STK10: variants seen among roughly 807,000 people sequenced by gnomAD.
STK10 encodes the protein serine/threonine kinase 10.
In STK10, 78 loss-of-function variants were observed where a neutral mutation model predicts 113.8. That is an observed-to-expected ratio of 0.69 (90% CI 0.57 to 0.83). STK10 has a LOEUF of 0.83. Ranked by LOEUF, STK10 falls within the 40% of genes least tolerant of loss-of-function variation. The pLI, the probability that STK10 is intolerant of heterozygous loss-of-function variation, is 0.00. For synonymous variants in STK10, 465 were observed against 494.7 expected, an observed-to-expected ratio of 0.94 and a Z score of 0.80; for missense variants, 1,109 against 1,280.1, an observed-to-expected ratio of 0.87 and a Z score of 2.04.
intron 4 of STK10, chr5:172,114,474 T>TATATATATATA (rs55784262): frequency 6.6e-4 from 17 of 25,748 alleles, no homozygotes; most frequent in African/African-American, 3.1e-3. Context: ...TATATATATA[T>TATATATATATA]TTTTTTTTTT....
At chr5:172,058,203 C>T (rs908802594) in intron 14 of STK10, among the ~76,000 whole-genome samples, 3 of 152,088 alleles carry the variant, frequency 2.0e-5, no homozygotes, top group East Asian at 1.9e-4. Flanking sequence ...ATTCCTGTTC[C>T]GTGCAAAATG....
At chr5:172,108,609 G>A (rs1234506328) in intron 4 of STK10, among the ~76,000 whole-genome samples, 2 of 117,706 alleles carry the variant, frequency 1.7e-5, no homozygotes, top group Non-Finnish European at 3.4e-5. Context: ...GAGTGAGACT[G>A]TCTCAAAAAA....
rs143465295 is a variant in STK10, at chr5:172,071,080, C to T, written c.1990-6268G>A. The stretch of plus-strand genomic sequence containing the variant: ...AAAACATTAGCCGGGTGTGGTGGCA[C>T]GCACCTGTAATCCCAGCTACTCAGG... On this transcript the variant is annotated intron_variant, in intron 12 of 18. Transcript: ENST00000176763. 7.1e-3 allele frequency among the ~76,000 whole-genome samples: 1,075 copies of T among 151,170 alleles called. 14 individuals are homozygous for T. Among genetic ancestry groups the T allele is most frequent in the African/African-American group, 0.025 (1,027 of 41,168 alleles).
chr5:172,134,314 T>A (rs1769810658), intron 2 of STK10, among the ~76,000 whole-genome samples: 1 of 152,220 alleles, frequency 6.6e-6, no homozygotes. Flanking sequence ...ATCATCCTCA[T>A]CAGCCTTTAC....
Position 172,187,495 on chromosome 5 carries a change from TA to T in STK10, c.156+391del, listed in dbSNP as rs1051262766. On this transcript the variant is annotated intron_variant, in intron 1 of 18. Transcript: ENST00000176763. This position sits in a 1 kb window ranked among gnomAD's most constrained non-coding sequence, Gnocchi z 4.6. Reference sequence around the variant, plus strand: ...TTCCCACAGCATCTGTGGTCTCTCTTAAAAAAAAAAGTGTGCCCGTATCGCC... The same window carrying T: ...TTCCCACAGCATCTGTGGTCTCTCTTAAAAAAAAAGTGTGCCCGTATCGCC... Among the ~76,000 whole-genome samples, 7 of 148,946 alleles carry T rather than the reference TA, an allele frequency of 4.7e-5. No individual in the cohort carries two copies. Among genetic ancestry groups the T allele is most frequent in the South Asian group, 2.1e-4 (1 of 4,678 alleles).
rs759856809 is a variant in STK10, at chr5:172,106,783, T to C, written c.625A>G (p.Met209Val). The change falls in exon 6 of 19, where the codon ATG (methionine) becomes GTG (valine). Residue 209 changes from methionine (M) to valine (V), a missense_variant. Met to Val is a conservative substitution (Grantham distance 21). Coordinates refer to ENST00000176763, the MANE Select transcript of STK10 (RefSeq NM_005990.4). ...TTGTAGTCGTAGGGCGTGTCTTTCA[T>C]GGTCTCACACATGACCACCTCGGGG... The part of the protein sequence containing the change: ...MAPEVVMCET[M>V]KDTPYDYKAD... The C allele has an allele frequency of 5.6e-6, 9 of 1,614,012 alleles. No individual in the cohort carries two copies. Among genetic ancestry groups the C allele is most frequent in the Middle Eastern group, 1.6e-4 (1 of 6,084 alleles).
In STK10 at chr5:172,088,250, G is replaced by A. The variant is rs865860076; in HGVS notation, c.1685+1982C>T. ...TAAAAAAATATGAGTATTAGGCCGG[G>A]CGCGGTGGCTCACATCTGTAATTCC... On this transcript the variant is annotated intron_variant, in intron 10 of 18. Coordinates refer to ENST00000176763, the MANE Select transcript of STK10 (RefSeq NM_005990.4). 1.7e-3 allele frequency among the ~76,000 whole-genome samples: 259 copies of A among 152,232 alleles called. 2 individuals carry two copies. Among genetic ancestry groups the A allele is most frequent in the African/African-American group, 6.0e-3 (249 of 41,542 alleles).
In STK10 at chr5:172,156,635, C is replaced by G. The variant is rs1456326957; in HGVS notation, c.310G>C (p.Gly104Arg). The change falls in exon 2 of 19, where the codon GGG becomes CGG. Residue 104 changes from glycine (G) to arginine (R), a missense_variant. By Grantham distance (125) the Gly-to-Arg change is moderately radical. Transcript: ENST00000176763. The part of the protein sequence containing the change: ...VKLLGAYYHD[G>R]KLWIMIEFCP... ...GGCGGCAGCCTTACCCACAGCTTCC[C>G]GTCGTGATAGTAGGCTCCCAGGAGC... is the stretch of plus-strand genomic sequence containing the variant. 3 of 1,613,196 alleles carry G rather than the reference C, an allele frequency of 1.9e-6. No homozygotes were observed. Among genetic ancestry groups the G allele is most frequent in the Non-Finnish European group, 2.5e-6 (3 of 1,179,568 alleles).
At chr5:172,058,675 A>G (rs958122294) in intron 14 of STK10, among the ~76,000 whole-genome samples, 1 of 152,098 alleles carries the variant, frequency 6.6e-6, no homozygotes, top group African/African-American at 2.4e-5. Flanking sequence ...AGATCGCTTG[A>G]GCCTAGAAAC....
chr5:172,098,700 T>G (rs1455530903), intron 7 of STK10, among the ~76,000 whole-genome samples: 1 of 152,048 alleles, frequency 6.6e-6, no homozygotes, highest in Non-Finnish European at 1.5e-5. Context: ...CAGTTAAGAG[T>G]GCTGGCTGTA....
At chr5:172,102,024 A>C (rs1028117799) in intron 7 of STK10, among the ~76,000 whole-genome samples, 1 of 152,104 alleles carries the variant, frequency 6.6e-6, no homozygotes, top group Non-Finnish European at 1.5e-5. Context: ...GGTTTTCCCT[A>C]GAGTGAAACG....
At chr5:172,167,546 A>G (rs115507404) in intron 1 of STK10, among the ~76,000 whole-genome samples, 1,785 of 152,292 alleles carry the variant, frequency 0.012, 49 homozygotes, top group African/African-American at 0.041. Flanking sequence ...GCAGACTGGG[A>G]CTGGTGCAAA....
chr5:172,136,060 G>GAAAAAGAA (rs541129263), intron 2 of STK10, among the ~76,000 whole-genome samples: 1 of 146,732 alleles, frequency 6.8e-6, no homozygotes, highest in Non-Finnish European at 1.5e-5. Context: ...ACAAAAGAAA[G>GAAAAAGAA]AAAAAGAAAA....
At chr5:172,126,456 C>T (rs1355709822) in intron 3 of STK10, among the ~76,000 whole-genome samples, 3 of 152,120 alleles carry the variant, frequency 2.0e-5, no homozygotes, top group South Asian at 4.2e-4. Context: ...CCCAGCTACT[C>T]GGGAGGCTGG....
chr5:172,151,345 T>C (rs1468043166), intron 2 of STK10, among the ~76,000 whole-genome samples: 5 of 151,896 alleles, frequency 3.3e-5, no homozygotes, highest in Middle Eastern at 3.4e-3. Context: ...TTTTTCTTTT[T>C]CTTTTTTTTT....
At position 172,052,993 on chromosome 5, in the gene STK10, G is replaced by A. The variant is rs1477328942; in HGVS notation, c.2702C>T (p.Ala901Val). ...LVEHETQKLKALDESHNQNLK... is the reference protein window; with the variant it reads ...LVEHETQKLKVLDESHNQNLK... ...GTTCTGGTTATGGCTCTCATCCAGG[G>A]CCTTCAGTTTCTGGGTTTCGTGCTC... is the stretch of plus-strand genomic sequence containing the variant. The change falls in exon 18 of 19, where the codon GCC (alanine) becomes GTC (valine). Residue 901 changes from alanine (A) to valine (V), a missense_variant. By Grantham distance (64) the Ala-to-Val change is moderately conservative. Around this residue, in one of 5 missense-constraint regions of STK10, gnomAD observed 885 missense variants for 991.1 expected, o/e 0.89. Coordinates refer to ENST00000176763, the MANE Select transcript of STK10 (RefSeq NM_005990.4). 6.2e-7 allele frequency: 1 copy of A among 1,614,070 alleles called. No individual in the cohort carries two copies. The highest frequency in any genetic ancestry group is 8.5e-7 in the Non-Finnish European group (1 of 1,180,050).
At chr5:172,059,837 C>G (rs1385107938) in intron 14 of STK10, among the ~76,000 whole-genome samples, 1 of 152,170 alleles carries the variant, frequency 6.6e-6, no homozygotes, top group Non-Finnish European at 1.5e-5. Flanking sequence ...ATCTTGTGGT[C>G]ATTTATTTTT....
chr5:172,125,636 C>T (rs1014820256), intron 3 of STK10, among the ~76,000 whole-genome samples: 8 of 152,184 alleles, frequency 5.3e-5, no homozygotes, highest in Non-Finnish European at 7.3e-5. Context: ...CCGCCCACCT[C>T]GGCCTCCCAA....
In STK10 at chr5:172,132,801, G is replaced by C. The variant is rs7711103; in HGVS notation, c.322-5380C>G. On this transcript the variant is annotated intron_variant, in intron 2 of 18. Transcript: ENST00000176763. The stretch of plus-strand genomic sequence containing the variant: ...CAAACACTATCTGAGCTCCTAGTGC[G>C]TGGCAAGCCTGGGGACTGAGGACCC... 1.9e-4 allele frequency among the ~76,000 whole-genome samples: 29 copies of C among 152,142 alleles called. No homozygotes were observed. In the South Asian group the frequency reaches 6.0e-3, roughly 32 times the overall value.
Sources: allele counts gnomAD v4.1 joint callset (sites outside exome capture counted in the v4.1 genomes callset), GRCh38; gene constraint gnomAD v4.1.1; regional missense constraint gnomAD v4.1.1; non-coding constraint Gnocchi (gnomAD v3.1); transcripts MANE v1.5; gene names NCBI Gene and HGNC (gene_info 2026-07-23, HGNC 2026-07-21).